Variants in CPA6 observed in about 807,000 individuals in gnomAD.
CPA6 encodes the protein carboxypeptidase A6.
A neutral mutation model predicts 63.3 loss-of-function variants in CPA6; 58 were observed. That is an observed-to-expected ratio of 0.92 (90% CI 0.74 to 1.14). The LOEUF (loss-of-function observed/expected upper bound fraction) is 1.14, where lower values mean the gene tolerates loss of function less well. CPA6 is among the 50% of genes most tolerant of loss of function. CPA6 has a pLI of 0.00. For missense variants in CPA6, 565 were observed against 526.6 expected (o/e 1.07, Z -0.71); for synonymous variants, 185 against 179.0 (o/e 1.03, Z -0.27).
At chr8:67,452,083 T>C (rs78821934) in intron 8 of CPA6, among the ~76,000 whole-genome samples, 2,101 of 152,226 alleles carry the variant, frequency 0.014, 38 homozygotes, top group African/African-American at 0.048. Context: ...TATAAAAAAC[T>C]GTAATTGTGT....
chr8:67,631,098 T>G (rs568288516), intron 1 of CPA6, among the ~76,000 whole-genome samples: 1 of 152,060 alleles, frequency 6.6e-6, no homozygotes, highest in African/African-American at 2.4e-5. Flanking sequence ...GGCTGAGGAG[T>G]GCGGCTGCAT....
intron 9 of CPA6, among the ~76,000 whole-genome samples, chr8:67,429,493 A>C (rs1809971046): frequency 1.3e-5 from 2 of 152,166 alleles, no homozygotes; most frequent in Admixed American, 1.3e-4. Flanking sequence ...CATTCAGCTC[A>C]GAAATGCATG....
chr8:67,441,244 A>G (rs193289124), intron 8 of CPA6, among the ~76,000 whole-genome samples: 3 of 152,374 alleles, frequency 2.0e-5, no homozygotes, highest in Admixed American at 1.3e-4. Context: ...GCAGTAGAAA[A>G]TAAGATATTA....
intron 2 of CPA6, among the ~76,000 whole-genome samples, chr8:67,589,671 C>T (rs1164140171): frequency 6.6e-6 from 1 of 152,104 alleles, no homozygotes; most frequent in Non-Finnish European, 1.5e-5. Flanking sequence ...TAAATAATCA[C>T]ATCAAATCAA....
At chr8:67,731,755 C>T (rs868573496) in intron 1 of CPA6, among the ~76,000 whole-genome samples, 2 of 152,036 alleles carry the variant, frequency 1.3e-5, no homozygotes, top group African/African-American at 4.8e-5. Context: ...TATTGAATCA[C>T]GGCACCTAAA....
At chr8:67,607,146 C>CCTCCCCCT (rs1814665441) in intron 2 of CPA6, among the ~76,000 whole-genome samples, 1 of 50,268 alleles carries the variant, frequency 2.0e-5, no homozygotes, top group Non-Finnish European at 3.4e-5. Flanking sequence ...CCCCTCCTCC[C>CCTCCCCCT]CCCCCTCCTC....
chr8:67,445,842 C>T (rs1340096667), intron 8 of CPA6, among the ~76,000 whole-genome samples: 2 of 151,816 alleles, frequency 1.3e-5, no homozygotes, highest in Non-Finnish European at 2.9e-5. Context: ...AAAATAAACA[C>T]TGGAGAGTGA....
chr8:67,570,464 G>T (rs1285292195), intron 2 of CPA6, among the ~76,000 whole-genome samples: 1 of 152,094 alleles, frequency 6.6e-6, no homozygotes, highest in Non-Finnish European at 1.5e-5. Flanking sequence ...CCGAGTATGA[G>T]GGTTAAAGGG....
intron 8 of CPA6, among the ~76,000 whole-genome samples, chr8:67,440,878 T>C (rs1274689258): frequency 2.6e-5 from 4 of 152,224 alleles, no homozygotes; most frequent in Non-Finnish European, 5.9e-5. Context: ...CTGTACTCCA[T>C]TCTCTTCTTG....
At chr8:67,706,189 CT>C (rs1817131114) in intron 1 of CPA6, among the ~76,000 whole-genome samples, 1 of 152,166 alleles carries the variant, frequency 6.6e-6, no homozygotes, top group Admixed American at 6.5e-5. Context: ...ACTACTATGA[CT>C]TTTAATTGTA....
intron 1 of CPA6, among the ~76,000 whole-genome samples, chr8:67,666,615 G>T (rs1816232920): frequency 6.6e-6 from 1 of 152,174 alleles, no homozygotes; most frequent in South Asian, 2.1e-4. Flanking sequence ...GTCTTGGAAG[G>T]ATTCTCAGGA....
chr8:67,480,209 A>T (rs2128960765), intron 8 of CPA6, among the ~76,000 whole-genome samples: 1 of 152,314 alleles, frequency 6.6e-6, no homozygotes, highest in Non-Finnish European at 1.5e-5. Context: ...AATCAGCTAT[A>T]ATTCACATAT....
chr8:67,596,941 T>C lies in CPA6; in HGVS notation c.192+27235A>G, dbSNP rs554853899. On this transcript the variant is annotated intron_variant, in intron 2 of 10. Transcript: ENST00000297770. ...TTGGCAGGAATATTACAAAGTGATA[T>C]GTCCTTCTCAGTGCATCATTTCAGG... Among the ~76,000 whole-genome samples, 8 of 152,326 alleles carry C rather than the reference T, an allele frequency of 5.3e-5. No homozygotes were observed. The South Asian group carries it at 8.3e-4, about 16-fold the overall frequency.
At chr8:67,481,417 T>C (rs1438785152) in intron 8 of CPA6, among the ~76,000 whole-genome samples, 1 of 152,194 alleles carries the variant, frequency 6.6e-6, no homozygotes, top group Non-Finnish European at 1.5e-5. Flanking sequence ...ATTCATCTTA[T>C]GGGTGAAACA....
chr8:67,687,482 T>C (rs767172975), intron 1 of CPA6, among the ~76,000 whole-genome samples: 1 of 152,194 alleles, frequency 6.6e-6, no homozygotes, highest in Non-Finnish European at 1.5e-5. Context: ...CATGGACTCA[T>C]ATGCAATTTT....
At chr8:67,673,215 G>A (rs1377111323) in intron 1 of CPA6, among the ~76,000 whole-genome samples, 2 of 151,836 alleles carry the variant, frequency 1.3e-5, no homozygotes, top group South Asian at 2.1e-4. Context: ...TGTATTTGGC[G>A]GCATTCATTC....
At position 67,574,853 on chromosome 8, in the gene CPA6, A is replaced by T. The variant is rs146673888; in HGVS notation, c.192+49323T>A. Among the ~76,000 whole-genome samples, 240 of 152,226 alleles carry T rather than the reference A, an allele frequency of 1.6e-3. 3 individuals carry two copies. The East Asian group carries it at 0.037, about 23-fold the overall frequency. Reference sequence around the variant, plus strand: ...GATTTTTTTTTTTGGGTTTGGTTCCAAAGGCATGGGCAATGAAAGCAAAAA... The same window carrying T: ...GATTTTTTTTTTTGGGTTTGGTTCCTAAGGCATGGGCAATGAAAGCAAAAA... On this transcript the variant is annotated intron_variant, in intron 2 of 10. Transcript: ENST00000297770.
chr8:67,700,163 T>G (rs1338429642), intron 1 of CPA6, among the ~76,000 whole-genome samples: 1 of 152,218 alleles, frequency 6.6e-6, no homozygotes, highest in Admixed American at 6.5e-5. Context: ...ACAGCTTTAA[T>G]AGGGAGGTAC....
intron 2 of CPA6, among the ~76,000 whole-genome samples, chr8:67,527,329 T>C (rs1812384688): frequency 6.6e-6 from 1 of 152,256 alleles, no homozygotes. Context: ...GATTTTGTTA[T>C]GCATTTCCTC....
Sources: allele counts gnomAD v4.1 joint callset (sites outside exome capture counted in the v4.1 genomes callset), GRCh38; gene constraint gnomAD v4.1.1; transcripts MANE v1.5; gene names NCBI Gene and HGNC (gene_info 2026-07-23, HGNC 2026-07-21).